MAP3K19: variants seen among roughly 807,000 people sequenced by gnomAD.
MAP3K19 encodes the protein mitogen-activated protein kinase kinase kinase 19, also known as SPS1/STE20-related protein kinase YSK4.
MAP3K19 carries 91 observed loss-of-function variants against 114.4 expected under a neutral mutation model. That is an observed-to-expected ratio of 0.80 (90% CI 0.67 to 0.95). The LOEUF (loss-of-function observed/expected upper bound fraction) is 0.95. Among genes scored for constraint, MAP3K19 ranks in the 40% least tolerant of loss-of-function variants. The pLI is 0.00. For missense variants in MAP3K19, 1,471 were observed against 1,573.2 expected (o/e 0.94, Z 1.10); for synonymous variants, 518 against 530.5 (o/e 0.98, Z 0.32).
intron 9 of MAP3K19, chr2:134,991,225 C>T (rs921494402): frequency 6.0e-5 from 18 of 302,290 alleles, no homozygotes; most frequent in Non-Finnish European, 8.4e-5. Flanking sequence ...GGCGTGAACC[C>T]GGGAGGCGGA....
chr2:135,014,001 G>A (rs1171468110), intron 5 of MAP3K19, among the ~76,000 whole-genome samples: 1 of 152,180 alleles, frequency 6.6e-6, no homozygotes, highest in African/African-American at 2.4e-5. Flanking sequence ...TCTGAAAAAT[G>A]TCTTTATTCA....
chr2:134,965,829 CCTT>C (rs1239396594), intron 12 of MAP3K19, among the ~76,000 whole-genome samples: 1 of 152,134 alleles, frequency 6.6e-6, no homozygotes, highest in Non-Finnish European at 1.5e-5. Context: ...AGAACTTACT[CCTT>C]CTATCTAATT....
chr2:135,014,069 T>C (rs1687417425), intron 5 of MAP3K19, among the ~76,000 whole-genome samples: 1 of 152,140 alleles, frequency 6.6e-6, no homozygotes. Context: ...GAAAACCACA[T>C]TCATTCGGGC....
At chr2:134,967,619 T>C (rs1484529680) in intron 12 of MAP3K19, among the ~76,000 whole-genome samples, 16 of 152,236 alleles carry the variant, frequency 1.1e-4, no homozygotes, top group Non-Finnish European at 1.9e-4. Context: ...CATAGTACCT[T>C]CCCTTGAACT....
At chr2:134,976,755 A>G (rs1437029189) in intron 12 of MAP3K19, among the ~76,000 whole-genome samples, 10 of 152,022 alleles carry the variant, frequency 6.6e-5, no homozygotes, top group Non-Finnish European at 1.5e-5. Context: ...AGTAAAAAAA[A>G]AAAAAATACA....
intron 12 of MAP3K19, among the ~76,000 whole-genome samples, chr2:134,973,424 T>C (rs2105160163): frequency 6.6e-6 from 1 of 152,336 alleles, no homozygotes; most frequent in Non-Finnish European, 1.5e-5. Flanking sequence ...TTATCTGATA[T>C]GAATATAGCT....
chr2:134,978,299 T>C (rs953608727), intron 12 of MAP3K19, among the ~76,000 whole-genome samples: 24 of 151,760 alleles, frequency 1.6e-4, no homozygotes, highest in Middle Eastern at 6.8e-3. Context: ...GATCCTCTCA[T>C]CCTCTCACCT....
intron 2 of MAP3K19, among the ~76,000 whole-genome samples, 191 bp downstream of exon 2, chr2:135,040,172 T>C (rs912841768): frequency 6.6e-6 from 1 of 152,222 alleles, no homozygotes; most frequent in Admixed American, 6.5e-5. Context: ...GGAATATTTG[T>C]GGACCGAGTG....
chr2:135,023,897 T>TG (rs999829660), intron 4 of MAP3K19, among the ~76,000 whole-genome samples: 4 of 149,910 alleles, frequency 2.7e-5, no homozygotes, highest in African/African-American at 1.0e-4. Flanking sequence ...TCTGTTTTAT[T>TG]GAAAAAAAAA....
intron 5 of MAP3K19, among the ~76,000 whole-genome samples, chr2:135,015,223 T>C (rs976682199): frequency 2.0e-5 from 3 of 152,238 alleles, no homozygotes; most frequent in Non-Finnish European, 2.9e-5. Context: ...TCCCAACTTG[T>C]AAAATTGTAA....
chr2:134,967,120 C>T (rs1683410866), intron 12 of MAP3K19, among the ~76,000 whole-genome samples: 1 of 152,148 alleles, frequency 6.6e-6, no homozygotes, highest in African/African-American at 2.4e-5. Flanking sequence ...TAGGGCTGTG[C>T]AGGATGCGCC....
intron 2 of MAP3K19, among the ~76,000 whole-genome samples, chr2:135,037,199 T>C (rs1009942202): frequency 2.0e-5 from 3 of 152,200 alleles, no homozygotes; most frequent in Non-Finnish European, 4.4e-5. Context: ...GTTTCACCCA[T>C]GTTGGCCAGG....
chr2:134,985,396 C>A (rs1225695598), intron 10 of MAP3K19, among the ~76,000 whole-genome samples: 1 of 152,236 alleles, frequency 6.6e-6, no homozygotes, highest in African/African-American at 2.4e-5. Context: ...TGAGCCACTT[C>A]TGGAGCCATG....
chr2:134,988,429 C>T (rs1685332190), intron 9 of MAP3K19, among the ~76,000 whole-genome samples, 176 bp from the exon 10 acceptor site: 1 of 152,194 alleles, frequency 6.6e-6, no homozygotes, highest in South Asian at 2.1e-4. Flanking sequence ...CTCGCTCTGT[C>T]ACCCAGGCTG....
intron 12 of MAP3K19, among the ~76,000 whole-genome samples, chr2:134,970,105 G>C (rs1329595064): frequency 6.6e-6 from 1 of 152,028 alleles, no homozygotes; most frequent in Non-Finnish European, 1.5e-5. Context: ...TATTGCTTTG[G>C]CTCTTTGAGC....
chr2:134,999,946 T>G lies in MAP3K19; in HGVS notation c.305A>C (p.Lys102Thr). 1 of 1,605,954 alleles carries G rather than the reference T, an allele frequency of 6.2e-7. No individual in the cohort carries two copies. Among genetic ancestry groups the G allele is most frequent in the South Asian group, 1.1e-5 (1 of 90,912 alleles). The change falls in exon 7 of 13, where the codon AAA becomes ACA. Residue 102 changes from lysine to threonine, a missense_variant. Transcript: ENST00000392915. This position sits in a 1 kb window ranked among gnomAD's most constrained non-coding sequence, Gnocchi z 4.1. ...AAAGAATATTCCTTACTTCTTTTCT[T>G]TTAAGTCTTCTTGGCTCATTTCTTG... ...PPQEMSQEDL[K>T]EKNLINSSLQ...
At chr2:134,976,600 G>A (rs1684249836) in intron 12 of MAP3K19, among the ~76,000 whole-genome samples, 2 of 152,150 alleles carry the variant, frequency 1.3e-5, no homozygotes, top group South Asian at 4.1e-4. Flanking sequence ...AGTGCCAGAT[G>A]TCTCTAGTCA....
intron 5 of MAP3K19, among the ~76,000 whole-genome samples, chr2:135,010,693 T>C (rs1004258338): frequency 6.6e-5 from 10 of 152,166 alleles, no homozygotes; most frequent in Non-Finnish European, 1.0e-4. Flanking sequence ...AGCAGCACAA[T>C]TATAGTTCAC....
At chr2:135,037,743 G>A (rs1688563618) in intron 2 of MAP3K19, among the ~76,000 whole-genome samples, 1 of 152,142 alleles carries the variant, frequency 6.6e-6, no homozygotes, top group Admixed American at 6.6e-5. Context: ...ACTGCACATT[G>A]TAAATTATTA....
Sources: gnomAD v4.1 joint callset for allele counts (sites outside exome capture counted in the v4.1 genomes callset) on GRCh38, gnomAD v4.1.1 for gene constraint, Gnocchi (gnomAD v3.1) non-coding constraint, MANE v1.5 for transcripts, NCBI Gene and HGNC (gene_info 2026-07-23, HGNC 2026-07-21) for gene names.